Variants in DNAH2 observed in about 807,000 individuals in gnomAD.
DNAH2 encodes axonemal beta dynein heavy chain 2.
Under a neutral mutation model 523.5 loss-of-function variants are expected in DNAH2, and 323 were observed. That is an observed-to-expected ratio of 0.62 (90% CI 0.56 to 0.68). DNAH2 has a LOEUF of 0.68. DNAH2 is among the 30% of genes least tolerant of loss of function. The pLI, the probability that DNAH2 is intolerant of heterozygous loss-of-function variation, is 0.00. For synonymous variants in DNAH2, 2,093 were observed against 2,177.4 expected (o/e 0.96, Z 1.08); for missense variants, 4,907 against 5,701.5 (o/e 0.86, Z 4.49).
At chr17:7,815,549 T>G (rs1289473555) in intron 63 of DNAH2, among the ~76,000 whole-genome samples, 1 of 148,076 alleles carries the variant, frequency 6.8e-6, no homozygotes, top group South Asian at 2.2e-4. Flanking sequence ...ATCACACACA[T>G]ATACAGGATC....
At chr17:7,804,864 TTTAGC>T in intron 59 of DNAH2, 89 bp from the exon 60 acceptor site, 1 of 1,167,634 alleles carries the variant, frequency 8.6e-7, no homozygotes, top group Non-Finnish European at 1.2e-6. Context: ...AAAAAAATTC[TTTAGC>T]TTTCTCTTTC....
In DNAH2 at chr17:7,736,958, G is replaced by A. The variant is rs1279299527; in HGVS notation, c.979-109G>A. 4 of 1,049,840 alleles carry A rather than the reference G, an allele frequency of 3.8e-6. No homozygotes were observed. The East Asian group carries it at 1.0e-4, about 27-fold the overall frequency. The allele number at this position is 1,049,840 out of a possible 1,614,324, so 65.0% of individuals were successfully genotyped here. ...GATCGCGCCATTGCACTCCAGCCCG[G>A]GTGACAAGAGTAAAACTCCATCTAA... On this transcript the variant is annotated intron_variant, in intron 7 of 85. Coordinates refer to ENST00000572933, the MANE Select transcript of DNAH2 (RefSeq NM_020877.5).
chr17:7,771,515 CTGCT>C (rs755688839), intron 28 of DNAH2, 47 bp downstream of exon 28: 2 of 1,609,474 alleles, frequency 1.2e-6, no homozygotes, highest in Non-Finnish European at 1.7e-6. Flanking sequence ...GGCAGGCACT[CTGCT>C]TGGTCATGGT....
At chr17:7,808,869 C>T (rs2151306458) in intron 63 of DNAH2, among the ~76,000 whole-genome samples, 1 of 152,350 alleles carries the variant, frequency 6.6e-6, no homozygotes, top group East Asian at 1.9e-4. Flanking sequence ...CTCAGCCTCT[C>T]AAAGTGCTGG....
At chr17:7,816,763 CT>C in intron 64 of DNAH2, 28 bp downstream of exon 64, 1 of 1,607,208 alleles carries the variant, frequency 6.2e-7, no homozygotes, top group Non-Finnish European at 8.5e-7. Context: ...ACCTGGTGTC[CT>C]TTCACTCTGC....
chr17:7,824,414 C>T, intron 76 of DNAH2, 110 bp downstream of exon 76: 1 of 1,429,944 alleles, frequency 7.0e-7, no homozygotes, highest in Non-Finnish European at 9.2e-7. Context: ...TACAGAGGGC[C>T]CCAGAAGTGG....
rs2074841790 is a variant in DNAH2, at chr17:7,727,176, A to G, written c.283A>G (p.Thr95Ala). Residue 95 changes from threonine to alanine, a missense_variant, in exon 4 of 86, where the codon ACA becomes GCA. Coordinates refer to ENST00000572933, the MANE Select transcript of DNAH2 (RefSeq NM_020877.5). The stretch of plus-strand genomic sequence containing the variant: ...GACAGGACTGGCGGATGCAGTGTGG[A>G]CACAGGAGCATGATGCCATTCTGGA... ...ALTGLADAVWTQEHDAILEHF... is the reference protein window; with the variant it reads ...ALTGLADAVWAQEHDAILEHF... 10 of 1,607,346 alleles carry G rather than the reference A, an allele frequency of 6.2e-6. No homozygotes were observed. Among genetic ancestry groups the G allele is most frequent in the Non-Finnish European group, 8.5e-6 (10 of 1,177,478 alleles).
Position 7,798,234 on chromosome 17 carries a change from A to G in DNAH2, c.8308A>G (p.Ser2770Gly). Residue 2770 changes from serine to glycine, a missense_variant, in exon 54 of 86, where the codon AGT becomes GGT. This residue lies in a region of DNAH2 where 1,851 missense variants were observed against 2,139.4 expected (regional missense o/e 0.87). Transcript: ENST00000572933. The surrounding 1 kb of genome is among the most constrained non-coding windows in gnomAD (Gnocchi z 5.5). Reference protein sequence around the residue: ...LVGIGGSGRQSLARLASSICD... With the variant: ...LVGIGGSGRQGLARLASSICD... Reference sequence around the variant, plus strand: ...GGGTATCGGGGGCAGCGGACGCCAGAGTCTGGCCCGCCTGGCTTCATCCAT... The same window carrying G: ...GGGTATCGGGGGCAGCGGACGCCAGGGTCTGGCCCGCCTGGCTTCATCCAT... 6.2e-7 allele frequency: 1 copy of G among 1,613,876 alleles called. No individual in the cohort carries two copies. Among genetic ancestry groups the G allele is most frequent in the East Asian group, 2.2e-5 (1 of 44,862 alleles).
At chr17:7,766,038 A>G (rs1216133311) in intron 21 of DNAH2, among the ~76,000 whole-genome samples, 1 of 152,018 alleles carries the variant, frequency 6.6e-6, no homozygotes, top group Admixed American at 6.5e-5. Context: ...CGGCCTCCCA[A>G]AGTACTGGAA....
chr17:7,736,970 A>G (rs1347838855), intron 7 of DNAH2, 97 bp from the exon 8 acceptor site: 2 of 1,185,118 alleles, frequency 1.7e-6, no homozygotes, highest in African/African-American at 3.1e-5. Context: ...TGACAAGAGT[A>G]AAACTCCATC....
rs2075766436 is a variant in DNAH2, at chr17:7,754,038, T to A, written c.1905-3053T>A. ...GGGTGGAGTGCTAGGGGATGCTTGG[T>A]GAGTGTGATGAGGGCATTTGATGGG... On this transcript the variant is annotated intron_variant, in intron 12 of 85. Coordinates refer to ENST00000572933, the MANE Select transcript of DNAH2 (RefSeq NM_020877.5). The surrounding 1 kb of genome is among the most constrained non-coding windows in gnomAD (Gnocchi z 4.6). Among the ~76,000 whole-genome samples the A allele has an allele frequency of 6.6e-6, 1 of 151,460 alleles. No individual in the cohort carries two copies. The highest frequency in any genetic ancestry group is 2.4e-5 in the African/African-American group (1 of 41,194).
At chr17:7,728,081 C>T (rs1288755071) in intron 4 of DNAH2, among the ~76,000 whole-genome samples, 2 of 152,052 alleles carry the variant, frequency 1.3e-5, no homozygotes, top group African/African-American at 4.8e-5. Flanking sequence ...ATATTATACT[C>T]GAGAATTTGG....
In DNAH2 at chr17:7,780,546, G is replaced by C; in HGVS notation, c.5851-84G>C. ...TAGCTGCTTCATGTCCTGGGACCTG[G>C]CTTCTTGTCTCTGACTGTCCTGAGA... On this transcript the variant is annotated intron_variant, in intron 37 of 85. Coordinates refer to ENST00000572933, the MANE Select transcript of DNAH2 (RefSeq NM_020877.5). This position sits in a 1 kb window ranked among gnomAD's most constrained non-coding sequence, Gnocchi z 4.4. 6.4e-7 allele frequency: 1 copy of C among 1,572,648 alleles called. No individual in the cohort carries two copies.
At chr17:7,811,832 G>T (rs2077526575) in intron 63 of DNAH2, among the ~76,000 whole-genome samples, 1 of 152,164 alleles carries the variant, frequency 6.6e-6, no homozygotes, top group Non-Finnish European at 1.5e-5. Context: ...CAGGGTGGGG[G>T]TTCTCTGGGT....
chr17:7,734,146 C>T, intron 5 of DNAH2, 37 bp from the exon 6 acceptor site: 1 of 1,539,554 alleles, frequency 6.5e-7, no homozygotes, highest in Non-Finnish European at 8.8e-7. Context: ...AAGAACTCAT[C>T]CCCTCTGTCC....
intron 22 of DNAH2, among the ~76,000 whole-genome samples, chr17:7,767,021 C>T (rs1271082279): frequency 1.3e-5 from 2 of 152,166 alleles, no homozygotes; most frequent in South Asian, 4.1e-4. Flanking sequence ...AATTCCCAAA[C>T]ATTTTTATTA....
In DNAH2 at chr17:7,786,223, C is replaced by T. The variant is rs766352611; in HGVS notation, c.6229C>T (p.Arg2077Cys). Residue 2077 changes from arginine to cysteine, a missense_variant, in exon 40 of 86, where the codon CGC becomes TGC. Coordinates refer to ENST00000572933, the MANE Select transcript of DNAH2 (RefSeq NM_020877.5). This position sits in a 1 kb window ranked among gnomAD's most constrained non-coding sequence, Gnocchi z 7.5. ...VFQLYETKNSRHSTMIVGCTG... is the reference protein window; with the variant it reads ...VFQLYETKNSCHSTMIVGCTG... ...CCAGTTGTATGAAACCAAGAACTCC[C>T]GCCACTCCACCATGATCGTGGGCTG... is the stretch of plus-strand genomic sequence containing the variant. 13 of 1,614,096 alleles carry T rather than the reference C, an allele frequency of 8.1e-6. No homozygotes were observed. The highest frequency in any genetic ancestry group is 3.3e-4 in the Middle Eastern group (2 of 6,062).
chr17:7,787,114 A>G (rs944247519), intron 42 of DNAH2, 81 bp downstream of exon 42: 1 of 1,549,716 alleles, frequency 6.5e-7, no homozygotes, highest in Non-Finnish European at 8.7e-7. Flanking sequence ...GGAGAGCCAG[A>G]AATCTCAGAG....
In DNAH2 at chr17:7,801,311, C is replaced by T. The variant is rs145581012; in HGVS notation, c.8700-267C>T. 5.4e-3 allele frequency among the ~76,000 whole-genome samples: 823 copies of T among 152,214 alleles called. 3 individuals carry two copies. Among genetic ancestry groups the T allele is most frequent in the Non-Finnish European group, 9.5e-3 (649 of 68,010 alleles). On this transcript the variant is annotated intron_variant, in intron 56 of 85. Transcript: ENST00000572933. ...TGTATTATTATTCCCATTTTAGAGACGAGGAAACTGGCATTCAAAGAGCTT... is the reference window on the plus strand; with the variant it reads ...TGTATTATTATTCCCATTTTAGAGATGAGGAAACTGGCATTCAAAGAGCTT...
Sources: allele counts gnomAD v4.1 joint callset (sites outside exome capture counted in the v4.1 genomes callset), GRCh38; gene constraint gnomAD v4.1.1; regional missense constraint gnomAD v4.1.1; non-coding constraint Gnocchi (gnomAD v3.1); transcripts MANE v1.5; gene names NCBI Gene and HGNC (gene_info 2026-07-23, HGNC 2026-07-21).